Variants in TTLL2 observed in about 807,000 individuals in gnomAD.
The protein encoded by TTLL2 is probable tubulin polyglutamylase TTLL2.
TTLL2 carries 10 observed loss-of-function variants against 7.5 expected under a neutral mutation model. The ratio of observed to expected loss-of-function variants is 1.33; its 90% CI spans 0.82 to 2.25. The LOEUF (loss-of-function observed/expected upper bound fraction) is 2.25, where lower values mean the gene tolerates loss of function less well. Among genes scored for constraint, TTLL2 ranks in the 30% most tolerant of loss-of-function variants. The pLI is 0.00. For synonymous variants in TTLL2, 284 were observed against 280.3 expected, an observed-to-expected ratio of 1.01 and a Z score of -0.13; for missense variants, 733 against 735.7, an observed-to-expected ratio of 1.00 and a Z score of 0.04.
At chr6:167,333,790 C>T (rs1206455001) in intron 1 of TTLL2, among the ~76,000 whole-genome samples, 1 of 119,274 alleles carries the variant, frequency 8.4e-6, no homozygotes, top group Non-Finnish European at 1.7e-5. Flanking sequence ...GTGGTGATAT[C>T]CCCTTTATCA....
At position 167,341,401 on chromosome 6, in the gene TTLL2, A is replaced by G; in HGVS notation, c.1501A>G (p.Thr501Ala). 2 of 1,613,948 alleles carry G rather than the reference A, an allele frequency of 1.2e-6. No homozygotes were observed. The highest frequency in any genetic ancestry group is 1.7e-6 in the Non-Finnish European group (2 of 1,180,038). Reference protein sequence around the residue: ...EMSGQDFHLSTREMPQSKPKL... With the variant: ...EMSGQDFHLSAREMPQSKPKL... ...GAGTGGGCAGGATTTTCATCTGTCA[A>G]CAAGGGAGATGCCACAAAGCAAGCC... Residue 501 changes from threonine to alanine, a missense_variant, in exon 3 of 3, where the codon ACA becomes GCA. Transcript: ENST00000239587.
intron 1 of TTLL2, among the ~76,000 whole-genome samples, chr6:167,336,321 A>G (rs1277417512): frequency 1.3e-5 from 2 of 152,070 alleles, no homozygotes; most frequent in Non-Finnish European, 2.9e-5. Context: ...CCTTCACTGA[A>G]AGAAGAAATA....
intron 1 of TTLL2, among the ~76,000 whole-genome samples, chr6:167,336,494 T>C (rs997643956): frequency 2.7e-4 from 41 of 152,122 alleles, no homozygotes; most frequent in African/African-American, 8.9e-4. Context: ...TATAATTAAA[T>C]CAATTCCCTG....
chr6:167,328,972 T>C (rs1778882386), intron 1 of TTLL2, among the ~76,000 whole-genome samples: 1 of 152,126 alleles, frequency 6.6e-6, no homozygotes, highest in African/African-American at 2.4e-5. Flanking sequence ...CTAGTTTCCT[T>C]CTGGAAGCTT....
Position 167,340,113 on chromosome 6 carries a change from T to A in TTLL2, c.213T>A (p.Pro71=). The part of the protein sequence containing the change: ...PTPTLEKKKK[P]HLMAEDEPSG... ...CAATGATCCATTTTTAGAAAAAACC[T>A]CATTTGATGGCGGAAGATGAACCTT... is the stretch of plus-strand genomic sequence containing the variant. The change falls in exon 3 of 3, where the codon CCT becomes CCA. Residue 71 remains proline, a synonymous_variant. Transcript: ENST00000239587. 1 of 1,569,350 alleles carries A rather than the reference T, an allele frequency of 6.4e-7. No homozygotes were observed.
At chr6:167,338,420 A>G (rs1302134255) in intron 1 of TTLL2, among the ~76,000 whole-genome samples, 1 of 151,648 alleles carries the variant, frequency 6.6e-6, no homozygotes, top group African/African-American at 2.4e-5. Flanking sequence ...CAGACAACAC[A>G]GAAACAACAA....
rs926250132 is a variant in TTLL2 at position 167,342,247 on chromosome 6, G to T, written c.*568G>T. Among the ~76,000 whole-genome samples the T allele has an allele frequency of 6.6e-6, 1 of 152,170 alleles. No individual in the cohort carries two copies. Among genetic ancestry groups the T allele is most frequent in the African/African-American group, 2.4e-5 (1 of 41,414 alleles). ...GAGCTCCCTGTGGGGGCATCTTTGG[G>T]CTGTATTTAAATAGTGGCCCCTTGG... On this transcript the variant is annotated 3_prime_UTR_variant, in exon 3 of 3. Coordinates refer to ENST00000239587, the MANE Select transcript of TTLL2 (RefSeq NM_031949.5).
In TTLL2 at chr6:167,325,221, G is replaced by A. The variant is rs139712965; in HGVS notation, c.47+1G>A. The stretch of plus-strand genomic sequence containing the variant: ...CCTCCACACAAAGCCAGGCGCTGGG[G>A]TAAGCGTAGGAGGCGACACGTAGGA... On this transcript the variant is annotated splice_donor_variant, in intron 1 of 2. Coordinates refer to ENST00000239587, the MANE Select transcript of TTLL2 (RefSeq NM_031949.5). LOFTEE classifies it high-confidence loss of function. 2.0e-4 allele frequency: 315 copies of A among 1,569,904 alleles called. No homozygotes were observed. Among genetic ancestry groups the A allele is most frequent in the Middle Eastern group, 3.3e-4 (2 of 5,978 alleles).
rs1387236970 is a variant in TTLL2 at position 167,340,924 on chromosome 6, T to C, written c.1024T>C (p.Trp342Arg). The change falls in exon 3 of 3, where the codon TGG becomes CGG. Residue 342 changes from tryptophan (W) to arginine (R), a missense_variant. Trp to Arg is a moderately radical substitution (Grantham distance 101). Coordinates refer to ENST00000239587, the MANE Select transcript of TTLL2 (RefSeq NM_031949.5). ...CTGGGATGTGGACGATCTGCTTTTG[T>C]GGAAGAAAATCCACCGCATGGTTAT... ...RSWDVDDLLL[W>R]KKIHRMVILT... The C allele has an allele frequency of 1.2e-6, 2 of 1,614,050 alleles. No individual in the cohort carries two copies. The highest frequency in any genetic ancestry group is 1.7e-6 in the Non-Finnish European group (2 of 1,180,038).
At chr6:167,334,681 C>A (rs1778964070) in intron 1 of TTLL2, among the ~76,000 whole-genome samples, 1 of 115,150 alleles carries the variant, frequency 8.7e-6, no homozygotes, top group Non-Finnish European at 1.7e-5. Flanking sequence ...CTACAACTAT[C>A]TGATCTTTGA....
At chr6:167,333,959 T>C (rs1287725417) in intron 1 of TTLL2, among the ~76,000 whole-genome samples, 14 of 73,850 alleles carry the variant, frequency 1.9e-4, no homozygotes, top group African/African-American at 7.3e-4. Context: ...CTGCTCTGAT[T>C]TTAGTTATTT....
chr6:167,325,644 TTA>T, intron 1 of TTLL2, among the ~76,000 whole-genome samples: 1 of 152,190 alleles, frequency 6.6e-6, no homozygotes, highest in South Asian at 2.1e-4. Context: ...GATGCTAGGG[TTA>T]TGAGACGGAA....
chr6:167,338,141 C>T (rs1345222555), intron 1 of TTLL2, among the ~76,000 whole-genome samples: 1 of 151,574 alleles, frequency 6.6e-6, no homozygotes, highest in African/African-American at 2.4e-5. Context: ...CAACACAATA[C>T]ACAATACACA....
chr6:167,327,274 G>A (rs1162959478), intron 1 of TTLL2, among the ~76,000 whole-genome samples: 2 of 152,198 alleles, frequency 1.3e-5, no homozygotes, highest in Admixed American at 1.3e-4. Context: ...TTTGAGTTCT[G>A]TCCTTTGTCC....
chr6:167,332,010 GT>G (rs199539964), intron 1 of TTLL2, among the ~76,000 whole-genome samples: 56 of 151,712 alleles, frequency 3.7e-4, no homozygotes, highest in African/African-American at 1.2e-3. Flanking sequence ...TTTGGCTGAA[GT>G]TTTTTTTTAA....
chr6:167,337,676 C>T lies in TTLL2; in HGVS notation c.48-971C>T, dbSNP rs573825011. Among the ~76,000 whole-genome samples the T allele has an allele frequency of 6.2e-4, 94 of 151,426 alleles. 1 individual carries two copies. Among genetic ancestry groups the T allele is most frequent in the African/African-American group, 2.2e-3 (90 of 41,390 alleles). ...AGAGGGAGCTGTGATCAGATAACAGCGTATTTCTTGGTGATAGGAAAGAAG... is the reference window on the plus strand; with the variant it reads ...AGAGGGAGCTGTGATCAGATAACAGTGTATTTCTTGGTGATAGGAAAGAAG... On this transcript the variant is annotated intron_variant, in intron 1 of 2. Transcript: ENST00000239587.
chr6:167,325,117 T>C lies in TTLL2; in HGVS notation c.-57T>C. Reference sequence around the variant, plus strand: ...CCCTCCAGCCTCCGCGCATTTCAGCTGGCGCTGCAGCTGCTGCACAGAGAC... The same window carrying C: ...CCCTCCAGCCTCCGCGCATTTCAGCCGGCGCTGCAGCTGCTGCACAGAGAC... On this transcript the variant is annotated 5_prime_UTR_variant, in exon 1 of 3. Coordinates refer to ENST00000239587, the MANE Select transcript of TTLL2 (RefSeq NM_031949.5). 1 of 1,542,192 alleles carries C rather than the reference T, an allele frequency of 6.5e-7. No homozygotes were observed.
intron 1 of TTLL2, among the ~76,000 whole-genome samples, chr6:167,335,972 T>TAAAA (rs369612885): frequency 0.046 from 5,285 of 115,852 alleles, 219 homozygotes; most frequent in Admixed American, 0.12. Flanking sequence ...AAAGTATAAT[T>TAAAA]AAAAAAAGAA....
chr6:167,327,306 T>A (rs148825695), intron 1 of TTLL2, among the ~76,000 whole-genome samples: 1 of 152,308 alleles, frequency 6.6e-6, no homozygotes, highest in Non-Finnish European at 1.5e-5. Flanking sequence ...AGATGAGTTA[T>A]CATCTTACAT....
Sources: gnomAD v4.1 joint callset for allele counts (sites outside exome capture counted in the v4.1 genomes callset) on GRCh38, gnomAD v4.1.1 for gene constraint, MANE v1.5 for transcripts, NCBI Gene and HGNC (gene_info 2026-07-23, HGNC 2026-07-21) for gene names.